Variants in ATAD3C observed in about 807,000 individuals in gnomAD.
ATAD3C encodes ATPase family AAA domain containing 3C.
In ATAD3C, 38 loss-of-function variants were observed where a neutral mutation model predicts 46.3. The observed-to-expected ratio is 0.82, with a 90% confidence interval of 0.63 to 1.08. The LOEUF (loss-of-function observed/expected upper bound fraction) is 1.08, where lower values mean the gene tolerates loss of function less well. Ranked by LOEUF, ATAD3C falls within the 50% of genes least tolerant of loss-of-function variation. The pLI is 0.00. For synonymous variants in ATAD3C, 220 were observed against 236.4 expected (o/e 0.93, Z 0.63); for missense variants, 563 against 572.7 (o/e 0.98, Z 0.17).
At chr1:1,457,289 TTG>T in intron 8 of ATAD3C, 109 bp downstream of exon 8, 1 of 1,563,026 alleles carries the variant, frequency 6.4e-7, no homozygotes, top group Non-Finnish European at 8.8e-7. Context: ...TCTCTAAGTT[TTG>T]TGTGAAAAAC....
chr1:1,456,992 A>G (rs1638972190), intron 7 of ATAD3C, 137 bp from the exon 8 acceptor site: 2 of 1,227,322 alleles, frequency 1.6e-6, no homozygotes, highest in African/African-American at 3.0e-5. Context: ...TGTCAGGTCC[A>G]GGACTTAGGG....
intron 10 of ATAD3C, among the ~76,000 whole-genome samples, chr1:1,461,530 T>C (rs1228484555): frequency 2.0e-5 from 3 of 150,602 alleles, no homozygotes; most frequent in Non-Finnish European, 4.4e-5. Flanking sequence ...TGTGAGGAAA[T>C]CCTGTACCTG....
intron 4 of ATAD3C, 62 bp downstream of exon 4, chr1:1,454,562 C>G (rs969358481): frequency 1.3e-6 from 2 of 1,559,846 alleles, no homozygotes; most frequent in Non-Finnish European, 8.6e-7. Flanking sequence ...TTCTGCCCCA[C>G]GAGCACAGCC....
Position 1,462,047 on chromosome 1 carries a change from G to A in ATAD3C, c.981-553G>A, listed in dbSNP as rs542432078. ...TACTTCTTGGCGTCCCCAGGGCCCC[G>A]GTTTCTGAGTCCTTCTGTGCACCTG... On this transcript the variant is annotated intron_variant, in intron 10 of 11. Coordinates refer to ENST00000378785, the MANE Select transcript of ATAD3C (RefSeq NM_001039211.3). The surrounding 1 kb of genome is among the most constrained non-coding windows in gnomAD (Gnocchi z 4.5). Among the ~76,000 whole-genome samples the A allele has an allele frequency of 1.1e-4, 16 of 152,116 alleles. No individual in the cohort carries two copies. The highest frequency in any genetic ancestry group is 5.2e-4 in the Admixed American group (8 of 15,270).
At position 1,458,584 on chromosome 1, in the gene ATAD3C, C is replaced by A. The variant is rs768364047; in HGVS notation, c.742-577C>A. Among the ~76,000 whole-genome samples the A allele has an allele frequency of 3.8e-4, 57 of 151,758 alleles. 1 individual carries two copies. Among genetic ancestry groups the A allele is most frequent in the Non-Finnish European group, 6.2e-4 (42 of 67,898 alleles). ...CGTGAGCCACCGCGCCAGGCCCCAG[C>A]TAACTTTTTTGTAATGTTAGTAGAG... is the stretch of plus-strand genomic sequence containing the variant. On this transcript the variant is annotated intron_variant, in intron 8 of 11. Transcript: ENST00000378785.
At position 1,462,601 on chromosome 1, in the gene ATAD3C, C is replaced by T. The variant is rs535863359; in HGVS notation, c.982C>T (p.Arg328Cys). The part of the protein sequence containing the change: ...VLKPATEGKR[R>C]LKLAQFDYGR... The stretch of plus-strand genomic sequence containing the variant: ...CCCACTTGGGAACTCCTTCCCCAGG[C>T]GTCTGAAGCTGGCCCAGTTTGACTA... Residue 328 changes from arginine (R) to cysteine (C), a missense_variant and splice_region_variant, in exon 11 of 12, where the codon CGT becomes TGT. Physicochemically the swap from Arg to Cys is radical, Grantham distance 180. Coordinates refer to ENST00000378785, the MANE Select transcript of ATAD3C (RefSeq NM_001039211.3). This position sits in a 1 kb window ranked among gnomAD's most constrained non-coding sequence, Gnocchi z 4.5. 35 of 1,593,360 alleles carry T rather than the reference C, an allele frequency of 2.2e-5. No homozygotes were observed. The East Asian group carries it at 5.6e-4, about 26-fold the overall frequency.
Position 1,459,037 on chromosome 1 carries a change from C to G in ATAD3C, c.742-124C>G, listed in dbSNP as rs1261401120. The G allele has an allele frequency of 2.0e-5, 31 of 1,552,416 alleles. No homozygotes were observed. The highest frequency in any genetic ancestry group is 4.3e-4 in the Middle Eastern group (2 of 4,614). The stretch of plus-strand genomic sequence containing the variant: ...CCTGGCCCTGGTCAGGCTTTTGAGT[C>G]TAGATCCGTGAAAGTGTCGCCATGT... On this transcript the variant is annotated intron_variant, in intron 8 of 11. Transcript: ENST00000378785. The surrounding 1 kb of genome is among the most constrained non-coding windows in gnomAD (Gnocchi z 4.9).
rs1335827908 is a variant in ATAD3C, at chr1:1,452,072, G to T, written c.102G>T (p.Lys34Asn). 6.2e-7 allele frequency: 1 copy of T among 1,613,690 alleles called. No individual in the cohort carries two copies. ...AACTTGTCAATGAGGATTTACGGAA[G>T]CAGGAGGAGTCCGTGCAGAAGCACC... Reference protein sequence around the residue: ...LKQLVNEDLRKQEESVQKHHQ... With the variant: ...LKQLVNEDLRNQEESVQKHHQ... Residue 34 changes from lysine to asparagine, a missense_variant, in exon 2 of 12, where the codon AAG (lysine) becomes AAT (asparagine). By Grantham distance (94) the Lys-to-Asn change is moderately conservative (BLOSUM62 0). Transcript: ENST00000378785.
intron 2 of ATAD3C, 88 bp downstream of exon 2, chr1:1,452,210 G>A (rs2100472298): frequency 6.3e-7 from 1 of 1,583,932 alleles, no homozygotes; most frequent in South Asian, 1.1e-5. Context: ...AGCTCTCCCA[G>A]GTCTGGCCGC....
chr1:1,450,836 G>T, intron 1 of ATAD3C, 78 bp downstream of exon 1: 1 of 1,589,622 alleles, frequency 6.3e-7, no homozygotes, highest in Non-Finnish European at 8.6e-7. Context: ...GCTACTGCCG[G>T]TGGGTAGGGC....
At chr1:1,453,999 T>A (rs1458894857) in intron 3 of ATAD3C, among the ~76,000 whole-genome samples, 1 of 152,006 alleles carries the variant, frequency 6.6e-6, no homozygotes, top group African/African-American at 2.4e-5. Flanking sequence ...TTTCCAGGAA[T>A]AAAGTACCAT....
At position 1,462,766 on chromosome 1, in the gene ATAD3C, T is replaced by C; in HGVS notation, c.1089+58T>C. On this transcript the variant is annotated intron_variant, in intron 11 of 11. Coordinates refer to ENST00000378785, the MANE Select transcript of ATAD3C (RefSeq NM_001039211.3). This position sits in a 1 kb window ranked among gnomAD's most constrained non-coding sequence, Gnocchi z 4.5. The stretch of plus-strand genomic sequence containing the variant: ...GAAGCCCAGCTGCTGTGCAGATGCT[T>C]GGTTGCGCCAGGCCTGTCCCAGCAC... 2 of 1,525,318 alleles carry C rather than the reference T, an allele frequency of 1.3e-6. No individual in the cohort carries two copies. Among genetic ancestry groups the C allele is most frequent in the Non-Finnish European group, 8.9e-7 (1 of 1,121,796 alleles). The allele number at this position is 1,525,318 out of a possible 1,614,324, so 94.5% of individuals were successfully genotyped here. A position where few individuals can be genotyped will look rare whatever the true frequency, so the allele number is the denominator to read the frequency against.
chr1:1,464,065 A>G (rs1217035943), intron 11 of ATAD3C, among the ~76,000 whole-genome samples: 2 of 151,020 alleles, frequency 1.3e-5, no homozygotes, highest in Non-Finnish European at 3.0e-5. Context: ...TTGGTCGGGC[A>G]TGGTGGTGGT....
At chr1:1,453,955 T>C (rs943686766) in intron 3 of ATAD3C, among the ~76,000 whole-genome samples, 8 of 152,026 alleles carry the variant, frequency 5.3e-5, no homozygotes, top group Non-Finnish European at 1.0e-4. Flanking sequence ...TAATTGATTT[T>C]TAAAACGAGT....
At chr1:1,463,557 C>T (rs1409019896) in intron 11 of ATAD3C, among the ~76,000 whole-genome samples, 1 of 151,946 alleles carries the variant, frequency 6.6e-6, no homozygotes, top group African/African-American at 2.4e-5. Context: ...CCTTCTGGGT[C>T]AGCTGAGGTC....
At position 1,459,290 on chromosome 1, in the gene ATAD3C, G is replaced by A; in HGVS notation, c.812+59G>A. The stretch of plus-strand genomic sequence containing the variant: ...CAGGGCTGTGCAGCCGTCACCCTTG[G>A]TTCCCACCGAGGGACCTGAGGGGCC... On this transcript the variant is annotated intron_variant, in intron 9 of 11. Transcript: ENST00000378785. This position sits in a 1 kb window ranked among gnomAD's most constrained non-coding sequence, Gnocchi z 4.9. The A allele has an allele frequency of 6.2e-7, 1 of 1,611,146 alleles. No homozygotes were observed. The highest frequency in any genetic ancestry group is 1.1e-5 in the South Asian group (1 of 90,934).
In ATAD3C at chr1:1,460,740, C is replaced by T. The variant is rs573973214; in HGVS notation, c.813-10C>T. ...GCCCCAGCGTTTCCTTCCCCATCCC[C>T]GCCCCGCAGATTCATGCTGATCCTG... On this transcript the variant is annotated splice_polypyrimidine_tract_variant and intron_variant, in intron 9 of 11. Coordinates refer to ENST00000378785, the MANE Select transcript of ATAD3C (RefSeq NM_001039211.3). The T allele has an allele frequency of 8.0e-5, 127 of 1,596,198 alleles. 2 individuals carry two copies. The African/African-American group carries it at 1.2e-3, about 15-fold the overall frequency.
chr1:1,460,239 A>AT (rs1639033257), intron 9 of ATAD3C, among the ~76,000 whole-genome samples: 1 of 151,590 alleles, frequency 6.6e-6, no homozygotes, highest in South Asian at 2.1e-4. Context: ...CACCCGGCTG[A>AT]TTTTTTGTAT....
chr1:1,459,036 T>A lies in ATAD3C; in HGVS notation c.742-125T>A, dbSNP rs1223409512. On this transcript the variant is annotated intron_variant, in intron 8 of 11. Coordinates refer to ENST00000378785, the MANE Select transcript of ATAD3C (RefSeq NM_001039211.3). The surrounding 1 kb of genome is among the most constrained non-coding windows in gnomAD (Gnocchi z 4.9). ...CCCTGGCCCTGGTCAGGCTTTTGAG[T>A]CTAGATCCGTGAAAGTGTCGCCATG... The A allele has an allele frequency of 1.9e-5, 30 of 1,550,168 alleles. No homozygotes were observed. Among genetic ancestry groups the A allele is most frequent in the Middle Eastern group, 4.3e-4 (2 of 4,598 alleles).
Sources: gnomAD v4.1 joint callset for allele counts (sites outside exome capture counted in the v4.1 genomes callset) on GRCh38, gnomAD v4.1.1 for gene constraint, Gnocchi (gnomAD v3.1) non-coding constraint, MANE v1.5 for transcripts, NCBI Gene and HGNC (gene_info 2026-07-23, HGNC 2026-07-21) for gene names.